Variants in FOXP1 observed in about 807,000 individuals in gnomAD.
The protein encoded by FOXP1 is forkhead box P1, also known as forkhead box protein P1.
In FOXP1, 15 loss-of-function variants were observed where a neutral mutation model predicts 98.2. The ratio of observed to expected loss-of-function variants is 0.15; its 90% CI spans 0.10 to 0.24. The LOEUF (loss-of-function observed/expected upper bound fraction) is 0.24. Ranked by LOEUF, FOXP1 falls within the 10% of genes least tolerant of loss-of-function variation. FOXP1 has a pLI of 1.00. For missense variants in FOXP1, 633 were observed against 848.5 expected (o/e 0.75, Z 3.15); for synonymous variants, 371 against 314.5 (o/e 1.18, Z -1.90).
At chr3:71,195,633 G>A (rs944564969) in intron 6 of FOXP1, among the ~76,000 whole-genome samples, 7 of 152,188 alleles carry the variant, frequency 4.6e-5, no homozygotes, top group Non-Finnish European at 8.8e-5. Context: ...TGCCCCTGGC[G>A]AGGAATGGGG....
At chr3:71,488,719 G>A (rs1299675510) in intron 3 of FOXP1, among the ~76,000 whole-genome samples, 1 of 152,170 alleles carries the variant, frequency 6.6e-6, no homozygotes, top group Non-Finnish European at 1.5e-5. Context: ...AATGTAAGTT[G>A]ACACTGTCTT....
At chr3:71,182,496 A>G (rs1045857646) in intron 6 of FOXP1, among the ~76,000 whole-genome samples, 1 of 140,758 alleles carries the variant, frequency 7.1e-6, no homozygotes, top group African/African-American at 2.7e-5. Context: ...AGTGTAAACT[A>G]TATATATGTG....
At chr3:71,123,226 C>G (rs2058912818) in intron 6 of FOXP1, among the ~76,000 whole-genome samples, 1 of 152,174 alleles carries the variant, frequency 6.6e-6, no homozygotes, top group African/African-American at 2.4e-5. Flanking sequence ...ATCCCTAGAC[C>G]CAAGGGACCA....
chr3:71,565,092 T>G (rs993069328), intron 2 of FOXP1, among the ~76,000 whole-genome samples: 1 of 152,058 alleles, frequency 6.6e-6, no homozygotes, highest in African/African-American at 2.4e-5. Flanking sequence ...GAGCAAGACT[T>G]TGTCTCAAAG....
rs535060513 is a variant in FOXP1 at position 71,519,035 on chromosome 3, C to T, written c.-297-25480G>A. On this transcript the variant is annotated intron_variant, in intron 2 of 20. Coordinates refer to ENST00000649528, the MANE Select transcript of FOXP1 (RefSeq NM_001349338.3). ...CCGAGACGGGCGGATCGCCTGAGATCGGGAATTTGAGACCAGCCTGGCCAA... is the reference window on the plus strand; with the variant it reads ...CCGAGACGGGCGGATCGCCTGAGATTGGGAATTTGAGACCAGCCTGGCCAA... Among the ~76,000 whole-genome samples the T allele has an allele frequency of 4.6e-5, 7 of 152,326 alleles. No individual in the cohort carries two copies. The East Asian group carries it at 5.8e-4, about 13-fold the overall frequency.
chr3:71,408,459 A>G (rs1478296418), intron 3 of FOXP1, among the ~76,000 whole-genome samples: 2 of 152,196 alleles, frequency 1.3e-5, no homozygotes, highest in Non-Finnish European at 2.9e-5. Context: ...TTTTAAATAT[A>G]CATTGTGCCA....
chr3:71,567,118 G>C (rs1403561101), intron 2 of FOXP1, among the ~76,000 whole-genome samples: 2 of 152,138 alleles, frequency 1.3e-5, no homozygotes, highest in Non-Finnish European at 2.9e-5. Flanking sequence ...AAGCACAGGA[G>C]ATAAGATTTT....
At chr3:71,425,695 G>T (rs955901609) in intron 3 of FOXP1, among the ~76,000 whole-genome samples, 1 of 151,706 alleles carries the variant, frequency 6.6e-6, no homozygotes, top group Non-Finnish European at 1.5e-5. Flanking sequence ...AAGGTGGGGG[G>T]GCTCTGAGTA....
chr3:71,570,613 G>C (rs1337238986), intron 2 of FOXP1: 1 of 152,248 alleles, frequency 6.6e-6, no homozygotes, highest in Admixed American at 6.5e-5. Context: ...GCATAATTAA[G>C]AGCATTAAGC....
At chr3:71,412,831 G>C (rs2082861721) in intron 3 of FOXP1, among the ~76,000 whole-genome samples, 1 of 152,078 alleles carries the variant, frequency 6.6e-6, no homozygotes, top group African/African-American at 2.4e-5. Flanking sequence ...TTAAAAAATT[G>C]ACAAGGGAGA....
At chr3:71,476,580 T>G (rs2089864209) in intron 3 of FOXP1, among the ~76,000 whole-genome samples, 1 of 151,950 alleles carries the variant, frequency 6.6e-6, no homozygotes, top group East Asian at 1.9e-4. Context: ...AACCTCCACC[T>G]CCCAGGTTCA....
At chr3:71,113,980 A>C (rs1339104022) in intron 6 of FOXP1, among the ~76,000 whole-genome samples, 1 of 152,156 alleles carries the variant, frequency 6.6e-6, no homozygotes, top group Non-Finnish European at 1.5e-5. Context: ...AAGAATGTAC[A>C]CATGGCAGAG....
chr3:71,118,533 T>C (rs1221673757), intron 6 of FOXP1, among the ~76,000 whole-genome samples: 1 of 152,210 alleles, frequency 6.6e-6, no homozygotes, highest in African/African-American at 2.4e-5. Context: ...AAAATCTTTC[T>C]AAAATGTTTT....
intron 12 of FOXP1, 34 bp downstream of exon 12, chr3:71,015,515 G>GT (rs750012260): frequency 3.4e-6 from 5 of 1,471,530 alleles, no homozygotes; most frequent in Non-Finnish European, 3.8e-6. Context: ...TGTTGGCTAT[G>GT]TAAAAGAAGA....
intron 7 of FOXP1, among the ~76,000 whole-genome samples, chr3:71,064,397 G>A (rs1280624558): frequency 2.0e-5 from 3 of 152,156 alleles, no homozygotes; most frequent in Non-Finnish European, 2.9e-5. Flanking sequence ...GTGATGGCGA[G>A]GGCTTCACCA....
At chr3:71,530,561 C>A (rs944552364) in intron 2 of FOXP1, among the ~76,000 whole-genome samples, 1 of 152,162 alleles carries the variant, frequency 6.6e-6, no homozygotes, top group African/African-American at 2.4e-5. Context: ...GAGAGTATAG[C>A]AGGAGGAAGG....
At chr3:71,088,393 GTT>G (rs377023710) in intron 7 of FOXP1, among the ~76,000 whole-genome samples, 14 of 120,174 alleles carry the variant, frequency 1.2e-4, no homozygotes, top group South Asian at 4.0e-4. Flanking sequence ...ACATTGTTTT[GTT>G]TTTTGTTTTT....
intron 7 of FOXP1, among the ~76,000 whole-genome samples, chr3:71,088,560 A>G (rs2055419769): frequency 6.6e-6 from 1 of 152,136 alleles, no homozygotes; most frequent in Admixed American, 6.5e-5. Flanking sequence ...TCTCATGAAC[A>G]GTCTATTTGA....
intron 5 of FOXP1, among the ~76,000 whole-genome samples, chr3:71,243,207 CA>C (rs977068360): frequency 6.6e-6 from 1 of 152,286 alleles, no homozygotes; most frequent in African/African-American, 2.4e-5. Context: ...CAGAACCTTC[CA>C]CTCAGATGTG....
Sources: gnomAD v4.1 joint callset for allele counts (sites outside exome capture counted in the v4.1 genomes callset) on GRCh38, gnomAD v4.1.1 for gene constraint, MANE v1.5 for transcripts, NCBI Gene and HGNC (gene_info 2026-07-23, HGNC 2026-07-21) for gene names.